PCDH9: variants seen among roughly 807,000 people sequenced by gnomAD.
PCDH9 encodes protocadherin 9.
In PCDH9, 24 loss-of-function variants were observed where a neutral mutation model predicts 70.6. The ratio of observed to expected loss-of-function variants is 0.34; its 90% CI spans 0.25 to 0.48. The LOEUF is 0.48. Among genes scored for constraint, PCDH9 ranks in the 20% least tolerant of loss-of-function variants. PCDH9 has a pLI of 0.99. For missense variants in PCDH9, 1,281 were observed against 1,503.6 expected (o/e 0.85, Z 2.45); for synonymous variants, 562 against 558.5 (o/e 1.01, Z -0.09).
At chr13:66,558,692 G>T (rs887222467) in intron 4 of PCDH9, among the ~76,000 whole-genome samples, 1 of 151,848 alleles carries the variant, frequency 6.6e-6, no homozygotes, top group South Asian at 2.1e-4. Context: ...GAGGGCAGGC[G>T]CTAACTGTAA....
At chr13:67,112,359 G>A (rs2086674081) in intron 2 of PCDH9, among the ~76,000 whole-genome samples, 1 of 152,118 alleles carries the variant, frequency 6.6e-6, no homozygotes, top group African/African-American at 2.4e-5. Context: ...GCTTGTCCAA[G>A]GAAACATAGG....
intron 4 of PCDH9, among the ~76,000 whole-genome samples, chr13:66,462,395 T>C (rs1303137007): frequency 1.3e-5 from 2 of 151,640 alleles, no homozygotes; most frequent in African/African-American, 4.8e-5. Flanking sequence ...GAGACATCTA[T>C]TGGGGAAGTT....
chr13:66,763,396 AG>A (rs977845787), intron 3 of PCDH9, among the ~76,000 whole-genome samples: 3 of 152,012 alleles, frequency 2.0e-5, no homozygotes, highest in Non-Finnish European at 4.4e-5. Context: ...TATAAGAATA[AG>A]GGATATAAGA....
chr13:66,606,315 T>G (rs572694950), intron 4 of PCDH9, among the ~76,000 whole-genome samples: 2 of 152,244 alleles, frequency 1.3e-5, no homozygotes, highest in Non-Finnish European at 2.9e-5. Flanking sequence ...CCGTGCCTCC[T>G]GTGTGTAGGC....
intron 4 of PCDH9, among the ~76,000 whole-genome samples, chr13:66,547,304 C>A (rs575445397): frequency 7.9e-5 from 12 of 152,220 alleles, no homozygotes; most frequent in African/African-American, 2.9e-4. Context: ...GTATTATATG[C>A]CCTAGTGGAA....
chr13:66,390,185 T>C (rs1956992812), intron 4 of PCDH9, among the ~76,000 whole-genome samples: 1 of 152,182 alleles, frequency 6.6e-6, no homozygotes, highest in African/African-American at 2.4e-5. Context: ...CCCAGTGAAA[T>C]GATTTACTTG....
intron 2 of PCDH9, among the ~76,000 whole-genome samples, chr13:67,159,251 C>T (rs1480014903): frequency 6.6e-6 from 1 of 152,120 alleles, no homozygotes; most frequent in Non-Finnish European, 1.5e-5. Flanking sequence ...TCCTGAGACT[C>T]ACGGGTTCGA....
At chr13:66,599,594 T>G (rs1430630185) in intron 4 of PCDH9, among the ~76,000 whole-genome samples, 1 of 151,576 alleles carries the variant, frequency 6.6e-6, no homozygotes, top group Non-Finnish European at 1.5e-5. Context: ...TCACCCAGGC[T>G]AGAGTGCAGT....
At chr13:67,116,205 T>C (rs1566435034) in intron 2 of PCDH9, among the ~76,000 whole-genome samples, 1 of 152,144 alleles carries the variant, frequency 6.6e-6, no homozygotes, top group African/African-American at 2.4e-5. Flanking sequence ...TATGTTAACA[T>C]TGATCACAAC....
At position 67,227,586 on chromosome 13, in the gene PCDH9, A is replaced by G. The variant is rs1313810068; in HGVS notation, c.855T>C (p.Ala285=). ...HATDADIGSN[A]EIRYIFGAQV... is the part of the protein sequence containing the mutation. ...GGGCACCAAAAATGTACCGGATTTC[A>G]GCATTACTGCCTATATCTGCATCAG... Residue 285 remains alanine, a synonymous_variant, in exon 2 of 5, where the codon GCT becomes GCC. Transcript: ENST00000377865. This position sits in a 1 kb window ranked among gnomAD's most constrained non-coding sequence, Gnocchi z 4.6. 5 of 1,614,154 alleles carry G rather than the reference A, an allele frequency of 3.1e-6. No individual in the cohort carries two copies. Among genetic ancestry groups the G allele is most frequent in the Non-Finnish European group, 4.2e-6 (5 of 1,179,998 alleles).
Position 67,226,164 on chromosome 13 carries a change from C to T in PCDH9, c.2277G>A (p.Gly759=), listed in dbSNP as rs2089864731. 6.2e-7 allele frequency: 1 copy of T among 1,614,118 alleles called. No individual in the cohort carries two copies. Among genetic ancestry groups the T allele is most frequent in the Non-Finnish European group, 8.5e-7 (1 of 1,180,006 alleles). Residue 759 remains glycine, a synonymous_variant, in exon 2 of 5, where the codon GGG becomes GGA. Transcript: ENST00000377865. The surrounding 1 kb of genome is among the most constrained non-coding windows in gnomAD (Gnocchi z 5.0). ...CAAGCGTGTGCAAAGACTTAGGGTA[C>T]CCCAGGTCACTTATGTTGACCACCA... ...HRLVVNISDL[G]YPKSLHTLVL...
At chr13:66,854,849 A>G (rs998166152) in intron 3 of PCDH9, among the ~76,000 whole-genome samples, 8 of 152,096 alleles carry the variant, frequency 5.3e-5, no homozygotes, top group African/African-American at 1.9e-4. Context: ...GGTGTCTTTA[A>G]ACAGAAACGT....
At chr13:66,306,354 G>C (rs776875477) in intron 4 of PCDH9, 1 of 149,334 alleles carries the variant, frequency 6.7e-6, no homozygotes, top group Non-Finnish European at 1.5e-5. Flanking sequence ...ACCGAGACAG[G>C]AAACAGTTGA....
At chr13:66,632,506 T>A (rs1031219880) in intron 3 of PCDH9, among the ~76,000 whole-genome samples, 2 of 152,352 alleles carry the variant, frequency 1.3e-5, no homozygotes, top group Non-Finnish European at 1.5e-5. Flanking sequence ...CACTTTGGTA[T>A]CTATGTGCAC....
intron 2 of PCDH9, among the ~76,000 whole-genome samples, chr13:66,941,244 C>G (rs1327888954): frequency 6.7e-6 from 1 of 150,020 alleles, no homozygotes; most frequent in Non-Finnish European, 1.5e-5. Context: ...CTAAAGCAAC[C>G]AATAAAAATT....
intron 3 of PCDH9, among the ~76,000 whole-genome samples, chr13:66,853,174 G>C (rs989989547): frequency 5.4e-5 from 8 of 148,888 alleles, no homozygotes; most frequent in African/African-American, 2.0e-4. Context: ...AAAAAAGTTA[G>C]TTTACCAGTC....
At chr13:66,436,324 A>G (rs1213168746) in intron 4 of PCDH9, among the ~76,000 whole-genome samples, 1 of 152,120 alleles carries the variant, frequency 6.6e-6, no homozygotes, top group Non-Finnish European at 1.5e-5. Context: ...GTGAAGACAC[A>G]GCAAGAAACA....
intron 2 of PCDH9, among the ~76,000 whole-genome samples, chr13:67,148,077 G>T (rs2138377427): frequency 6.6e-6 from 1 of 152,234 alleles, no homozygotes; most frequent in Non-Finnish European, 1.5e-5. Context: ...CCAGTGAAAA[G>T]TTGAGATCAG....
At chr13:67,003,297 G>T (rs533999648) in intron 2 of PCDH9, among the ~76,000 whole-genome samples, 1 of 152,086 alleles carries the variant, frequency 6.6e-6, no homozygotes, top group South Asian at 2.1e-4. Context: ...GGTCTTATTT[G>T]ATTACTAAAA....
Sources: allele counts gnomAD v4.1 joint callset (sites outside exome capture counted in the v4.1 genomes callset), GRCh38; gene constraint gnomAD v4.1.1; non-coding constraint Gnocchi (gnomAD v3.1); transcripts MANE v1.5; gene names NCBI Gene and HGNC (gene_info 2026-07-23, HGNC 2026-07-21).